The following KHDRBS2 variants were observed in gnomAD, a reference collection of about 807,000 sequenced individuals.
The protein encoded by KHDRBS2 is KH domain-containing, RNA-binding, signal transduction-associated protein 2.
A neutral mutation model predicts 44.3 loss-of-function variants in KHDRBS2; 26 were observed. The observed-to-expected ratio is 0.59, with a 90% CI of 0.43 to 0.81. The LOEUF is 0.81. KHDRBS2 is among the 40% of genes least tolerant of loss of function. KHDRBS2 has a pLI of 0.00. For synonymous variants in KHDRBS2, 194 were observed against 151.1 expected, an observed-to-expected ratio of 1.28 and a Z score of -2.08; for missense variants, 476 against 433.1, an observed-to-expected ratio of 1.10 and a Z score of -0.88.
At chr6:61,906,232 TTTGCTATTAAAA>T (rs1804987982) in intron 4 of KHDRBS2, among the ~76,000 whole-genome samples, 1 of 152,128 alleles carries the variant, frequency 6.6e-6, no homozygotes, top group African/African-American at 2.4e-5. Context: ...CATTATAATT[TTTGCTATTAAAA>T]TTTTTATCTT....
intron 4 of KHDRBS2, among the ~76,000 whole-genome samples, chr6:61,952,869 C>A (rs1273350939): frequency 2.0e-5 from 3 of 152,052 alleles, no homozygotes; most frequent in Non-Finnish European, 2.9e-5. Context: ...CAACTCACAA[C>A]ACACATTATC....
intron 1 of KHDRBS2, among the ~76,000 whole-genome samples, chr6:62,224,747 C>T (rs1831480291): frequency 6.6e-6 from 1 of 152,104 alleles, no homozygotes; most frequent in African/African-American, 2.4e-5. Context: ...TAAGTTTCCA[C>T]CATTACTAAC....
chr6:62,199,524 C>T (rs1308006414), intron 1 of KHDRBS2, among the ~76,000 whole-genome samples: 1 of 152,126 alleles, frequency 6.6e-6, no homozygotes, highest in Non-Finnish European at 1.5e-5. Context: ...ATCCAACTTA[C>T]AAGGGATGTG....
At chr6:62,127,088 A>G (rs1809147556) in intron 2 of KHDRBS2, among the ~76,000 whole-genome samples, 1 of 152,190 alleles carries the variant, frequency 6.6e-6, no homozygotes, top group Non-Finnish European at 1.5e-5. Flanking sequence ...CAACTCCTAA[A>G]TAGAAGAATT....
At chr6:61,891,855 C>T (rs1221705940) in intron 6 of KHDRBS2, among the ~76,000 whole-genome samples, 2 of 152,132 alleles carry the variant, frequency 1.3e-5, no homozygotes, top group African/African-American at 4.8e-5. Flanking sequence ...CAGGGATGCC[C>T]TCTCTCACCA....
the KHDRBS2 span, among the ~76,000 whole-genome samples, chr6:61,673,048 T>C: frequency 6.6e-6 from 1 of 151,790 alleles, no homozygotes; most frequent in South Asian, 2.1e-4. Context: ...GGGATCCAGT[T>C]TCAGCTTTCT....
intron 7 of KHDRBS2, among the ~76,000 whole-genome samples, chr6:61,704,374 C>A (rs1769150736): frequency 6.6e-6 from 1 of 151,602 alleles, no homozygotes; most frequent in Non-Finnish European, 1.5e-5. Flanking sequence ...TGTTTTTCAT[C>A]GTATATGGAA....
the KHDRBS2 span, among the ~76,000 whole-genome samples, chr6:61,589,574 A>G: frequency 6.6e-6 from 1 of 152,164 alleles, no homozygotes; most frequent in African/African-American, 2.4e-5. Context: ...AACTAGCTAC[A>G]TCACTCAAAC....
At chr6:61,714,888 C>T (rs1771127933) in intron 7 of KHDRBS2, among the ~76,000 whole-genome samples, 1 of 151,686 alleles carries the variant, frequency 6.6e-6, no homozygotes, top group Non-Finnish European at 1.5e-5. Context: ...ACAATGGAGA[C>T]TCAGAAGAGT....
chr6:62,033,654 G>A lies in KHDRBS2; in HGVS notation c.336+14224C>T, dbSNP rs1480205928. 6.0e-5 allele frequency among the ~76,000 whole-genome samples: 9 copies of A among 150,504 alleles called. No individual in the cohort carries two copies. The Admixed American group carries it at 6.0e-4, about 10-fold the overall frequency. Reference sequence around the variant, plus strand: ...TATATATATTTGGACATTTATATATGCAATATATATATGGCATATAGATAT... The same window carrying A: ...TATATATATTTGGACATTTATATATACAATATATATATGGCATATAGATAT... On this transcript the variant is annotated intron_variant, in intron 3 of 8. Coordinates refer to ENST00000281156, the MANE Select transcript of KHDRBS2 (RefSeq NM_152688.4).
chr6:62,075,282 C>G lies in KHDRBS2; in HGVS notation c.220-27288G>C, dbSNP rs577513648. On this transcript the variant is annotated intron_variant, in intron 2 of 8. Transcript: ENST00000281156. The stretch of plus-strand genomic sequence containing the variant: ...AGAGGCCTGAGGAAGCTTGTTCACC[C>G]CCTCCACCATGTGAGGACACAGAAA... 2.0e-5 allele frequency among the ~76,000 whole-genome samples: 3 copies of G among 151,918 alleles called. No homozygotes were observed. In the East Asian group the frequency reaches 5.9e-4, roughly 30 times the overall value.
intron 6 of KHDRBS2, among the ~76,000 whole-genome samples, chr6:61,850,438 A>G (rs1356660678): frequency 2.0e-5 from 3 of 152,204 alleles, no homozygotes; most frequent in African/African-American, 7.2e-5. Context: ...GCAAATAATT[A>G]GCACGGAGAA....
intron 2 of KHDRBS2, among the ~76,000 whole-genome samples, chr6:62,161,778 C>T (rs889655725): frequency 2.0e-5 from 3 of 151,662 alleles, no homozygotes; most frequent in Non-Finnish European, 2.9e-5. Flanking sequence ...TTCACATTTC[C>T]TTTTGTATAT....
chr6:61,726,275 A>G (rs79366717), intron 7 of KHDRBS2, among the ~76,000 whole-genome samples: 29,997 of 152,056 alleles, frequency 0.2, 3,986 homozygotes, highest in African/African-American at 0.36. Flanking sequence ...ACATACCTCA[A>G]AATAATATGA....
At chr6:61,850,942 A>T (rs978048080) in intron 6 of KHDRBS2, among the ~76,000 whole-genome samples, 1 of 152,134 alleles carries the variant, frequency 6.6e-6, no homozygotes, top group African/African-American at 2.4e-5. Flanking sequence ...GTTGGGAGAA[A>T]GTTGCAGATT....
the KHDRBS2 span, among the ~76,000 whole-genome samples, chr6:61,599,294 A>C: frequency 2.0e-5 from 3 of 152,150 alleles, no homozygotes; most frequent in Non-Finnish European, 2.9e-5. Context: ...CAGCTGTTTA[A>C]GATGAGAGCT....
At chr6:61,565,910 C>A in the KHDRBS2 span, among the ~76,000 whole-genome samples, 3 of 152,052 alleles carry the variant, frequency 2.0e-5, no homozygotes, top group African/African-American at 7.2e-5. Flanking sequence ...TATCTACACT[C>A]TCATGTTTAT....
the KHDRBS2 span, among the ~76,000 whole-genome samples, chr6:61,579,511 G>C: frequency 7.2e-5 from 11 of 152,116 alleles, no homozygotes; most frequent in Non-Finnish European, 1.2e-4. Flanking sequence ...TGTTTACTCA[G>C]TAATGCAGAA....
chr6:61,798,719 G>T (rs139972605), intron 6 of KHDRBS2, among the ~76,000 whole-genome samples: 1 of 151,832 alleles, frequency 6.6e-6, no homozygotes, highest in Non-Finnish European at 1.5e-5. Flanking sequence ...TTATTTAAAA[G>T]ATAAAATTGG....
Sources: allele counts gnomAD v4.1 joint callset (sites outside exome capture counted in the v4.1 genomes callset), GRCh38; gene constraint gnomAD v4.1.1; transcripts MANE v1.5; gene names NCBI Gene and HGNC (gene_info 2026-07-23, HGNC 2026-07-21).